The following DMTF1 variants were observed in gnomAD, a reference collection of about 807,000 sequenced individuals.
DMTF1 encodes cyclin-D-binding Myb-like transcription factor 1.
A neutral mutation model predicts 91.1 loss-of-function variants in DMTF1; 39 were observed. The observed-to-expected ratio is 0.43, with a 90% CI of 0.33 to 0.56. The LOEUF (loss-of-function observed/expected upper bound fraction) is 0.56, where lower values mean the gene tolerates loss of function less well. Among genes scored for constraint, DMTF1 ranks in the 20% least tolerant of loss-of-function variants. The probability of loss-of-function intolerance (pLI) is 0.05; values close to 1 mark genes in which losing one functional copy is unlikely to be tolerated. For synonymous variants in DMTF1, 338 were observed against 309.5 expected (o/e 1.09, Z -0.97); for missense variants, 750 against 914.5 (o/e 0.82, Z 2.32).
chr7:87,171,211 C>T (rs1794996889), intron 5 of DMTF1, 122 bp downstream of exon 5: 1 of 607,158 alleles, frequency 1.6e-6, no homozygotes, highest in Non-Finnish European at 2.8e-6. Context: ...CCACTGTGCC[C>T]AGGTTTAGCC....
chr7:87,158,136 T>G (rs1791272573), intron 1 of DMTF1, among the ~76,000 whole-genome samples: 1 of 152,078 alleles, frequency 6.6e-6, no homozygotes, highest in African/African-American at 2.4e-5. Context: ...GTGTTCTGTA[T>G]GGTTTTATAA....
At chr7:87,166,345 T>A in intron 3 of DMTF1, 138 bp from the exon 4 acceptor site, 2 of 779,236 alleles carry the variant, frequency 2.6e-6, no homozygotes, top group Non-Finnish European at 4.0e-6. Flanking sequence ...GAATCCTGTT[T>A]GCACAACTAG....
At chr7:87,156,220 A>G (rs1426671010) in intron 1 of DMTF1, among the ~76,000 whole-genome samples, 3 of 152,184 alleles carry the variant, frequency 2.0e-5, no homozygotes, top group Non-Finnish European at 4.4e-5. Context: ...TGCTTTTTGA[A>G]TAAGCAATAT....
chr7:87,193,410 A>T, intron 15 of DMTF1, 57 bp downstream of exon 15: 2 of 1,566,252 alleles, frequency 1.3e-6, no homozygotes, highest in African/African-American at 2.7e-5. Context: ...GGATTAGTTG[A>T]TAAGGACCAA....
chr7:87,188,200 T>C lies in DMTF1; in HGVS notation c.1310T>C (p.Val437Ala), dbSNP rs774462352. ...CCAAACAGTAATACCAATTCCAGTG[T>C]GCAGCATGTTCAGATAAGAGTTGCC... is the stretch of plus-strand genomic sequence containing the variant. ...GVPNSNTNSSVQHVQIRVARL... is the reference protein window; with the variant it reads ...GVPNSNTNSSAQHVQIRVARL... The change falls in exon 13 of 18, where the codon GTG becomes GCG. Residue 437 changes from valine (V) to alanine (A), a missense_variant. By Grantham distance (64) the Val-to-Ala change is moderately conservative (BLOSUM62 0). This residue lies in a region of DMTF1 where 410 missense variants were observed against 420.2 expected (regional missense o/e 0.98). Transcript: ENST00000331242. 2.5e-6 allele frequency: 4 copies of C among 1,614,044 alleles called. No homozygotes were observed. The Admixed American group carries it at 6.7e-5, about 27-fold the overall frequency.
intron 8 of DMTF1, among the ~76,000 whole-genome samples, chr7:87,180,739 T>C (rs1182603680): frequency 6.6e-6 from 1 of 152,136 alleles, no homozygotes; most frequent in African/African-American, 2.4e-5. Context: ...TAGGAGCAAA[T>C]GTATGTTTTA....
intron 3 of DMTF1, among the ~76,000 whole-genome samples, chr7:87,165,393 TAC>T (rs1205713438): frequency 3.3e-5 from 5 of 152,234 alleles, no homozygotes; most frequent in African/African-American, 1.2e-4. Context: ...TAAAAAATTG[TAC>T]ACAATCATTT....
rs547621189 is a variant in DMTF1 at position 87,180,337 on chromosome 7, G to C, written c.677+635G>C. Among the ~76,000 whole-genome samples the C allele has an allele frequency of 1.2e-4, 18 of 152,248 alleles. No homozygotes were observed. In the East Asian group the frequency reaches 3.3e-3, roughly 28 times the overall value. On this transcript the variant is annotated intron_variant, in intron 8 of 17. Transcript: ENST00000331242. ...GAAAGTACATTTGAAAGCTGAAGAG[G>C]ATTAAATTATGTTTTTGTGACAGTG...
At chr7:87,189,107 G>T (rs1434633227) in intron 13 of DMTF1, among the ~76,000 whole-genome samples, 1 of 152,126 alleles carries the variant, frequency 6.6e-6, no homozygotes, top group East Asian at 1.9e-4. Flanking sequence ...AGGATATTCA[G>T]TGTCCTTTGA....
At chr7:87,194,198 C>A in intron 16 of DMTF1, 96 bp downstream of exon 16, 1 of 1,360,384 alleles carries the variant, frequency 7.4e-7, no homozygotes, top group Non-Finnish European at 9.9e-7. Flanking sequence ...TGAAATTAAG[C>A]TCAAACCCCC....
chr7:87,165,416 T>C (rs891010449), intron 3 of DMTF1, among the ~76,000 whole-genome samples: 1 of 152,190 alleles, frequency 6.6e-6, no homozygotes, highest in Non-Finnish European at 1.5e-5. Flanking sequence ...CAGTATGACT[T>C]AATATGGTGA....
chr7:87,166,663 C>A, intron 4 of DMTF1, 58 bp downstream of exon 4: 1 of 1,555,212 alleles, frequency 6.4e-7, no homozygotes, highest in Non-Finnish European at 8.8e-7. Flanking sequence ...AGTTTAGCTT[C>A]CAAGGCTTTC....
chr7:87,171,760 G>A lies in DMTF1; in HGVS notation c.327+671G>A, dbSNP rs539563886. On this transcript the variant is annotated intron_variant, in intron 5 of 17. Coordinates refer to ENST00000331242, the MANE Select transcript of DMTF1 (RefSeq NM_001142327.2). ...ATGCATAAAGTAGTGAAAAATGGGG[G>A]TAAAATACTCTAAGACTGATTAATA... 2.0e-5 allele frequency among the ~76,000 whole-genome samples: 3 copies of A among 152,188 alleles called. No individual in the cohort carries two copies. In the South Asian group the frequency reaches 6.2e-4, roughly 32 times the overall value.
rs572275088 is a variant in DMTF1 at position 87,193,233 on chromosome 7, C to G, written c.1530C>G (p.Thr510=). The change falls in exon 15 of 18, where the codon ACC becomes ACG. Residue 510 remains threonine (T), a synonymous_variant. Transcript: ENST00000331242. ...FHLQPTGTPG[T]YLLQTSSSQG... The stretch of plus-strand genomic sequence containing the variant: ...TACAGCCCACTGGCACTCCAGGCAC[C>G]TACCTACTTCAAACAAGCTCAAGCC... The G allele has an allele frequency of 8.6e-5, 138 of 1,613,442 alleles. 2 individuals are homozygous for G. In the South Asian group the frequency reaches 1.4e-3, roughly 17 times the overall value.
chr7:87,174,577 T>C lies in DMTF1; in HGVS notation c.443-16T>C. The stretch of plus-strand genomic sequence containing the variant: ...GGAGTAACATTTTTTATAACATTAC[T>C]TGTTTTCTTTTAAAGGACATAAATG... On this transcript the variant is annotated splice_polypyrimidine_tract_variant and intron_variant, in intron 6 of 17. Transcript: ENST00000331242. The C allele has an allele frequency of 1.3e-6, 2 of 1,553,730 alleles. No individual in the cohort carries two copies.
chr7:87,184,985 C>T, intron 11 of DMTF1: 1 of 438,528 alleles, frequency 2.3e-6, no homozygotes, highest in Non-Finnish European at 4.5e-6. Flanking sequence ...GATAAGAGGG[C>T]TGTTCAGTCT....
At chr7:87,183,439 T>C (rs982288521) in intron 10 of DMTF1, among the ~76,000 whole-genome samples, 2 of 152,204 alleles carry the variant, frequency 1.3e-5, no homozygotes, top group Non-Finnish European at 2.9e-5. Context: ...CCTTCTCATG[T>C]TGTGACATAC....
chr7:87,180,110 C>G (rs1416021891), intron 8 of DMTF1, among the ~76,000 whole-genome samples: 1 of 152,128 alleles, frequency 6.6e-6, no homozygotes, highest in Non-Finnish European at 1.5e-5. Flanking sequence ...AACTACATTT[C>G]TGAAAACAAT....
chr7:87,180,161 C>CA (rs1472852838), intron 8 of DMTF1, among the ~76,000 whole-genome samples: 2 of 152,090 alleles, frequency 1.3e-5, no homozygotes, highest in Non-Finnish European at 2.9e-5. Context: ...GGGAAGGCAT[C>CA]ATTAAGATTC....
Sources: gnomAD v4.1 joint callset for allele counts (sites outside exome capture counted in the v4.1 genomes callset) on GRCh38, gnomAD v4.1.1 for gene constraint, gnomAD v4.1.1 regional missense constraint, MANE v1.5 for transcripts, NCBI Gene and HGNC (gene_info 2026-07-23, HGNC 2026-07-21) for gene names.